TMEM255A: variants seen among roughly 807,000 people sequenced by gnomAD.
The protein encoded by TMEM255A is family with sequence similarity 70, member A.
In TMEM255A, 14 loss-of-function variants were observed where a neutral mutation model predicts 23.5. That is an observed-to-expected ratio of 0.60 (90% CI 0.39 to 0.93). TMEM255A has a LOEUF of 0.93. Ranked by LOEUF, TMEM255A falls within the 40% of genes least tolerant of loss-of-function variation. TMEM255A has a pLI of 0.00. For synonymous variants in TMEM255A, 104 were observed against 100.3 expected (o/e 1.04, Z -0.22); for missense variants, 233 against 261.7 (o/e 0.89, Z 0.76).
rs1233666296 is a variant in TMEM255A at position 120,268,602 on chromosome X, A to G, written c.676-215T>C. On this transcript the variant is annotated intron_variant, in intron 7 of 8. Coordinates refer to ENST00000371369, the MANE Select transcript of TMEM255A (RefSeq NM_001104544.3). ...TGATCCCAATTTATGTTTTAAAAAA[A>G]GACCCCCAAAATTATACATGTATGT... is the stretch of plus-strand genomic sequence containing the variant. Among the ~76,000 whole-genome samples, 4 of 111,993 alleles carry G rather than the reference A, an allele frequency of 3.6e-5. No homozygotes were observed. The Admixed American group carries it at 3.8e-4, about 11-fold the overall frequency.
chrX:120,291,438 C>A (rs2057914959), intron 3 of TMEM255A, 98 bp from the exon 4 acceptor site: 1 of 665,177 alleles, frequency 1.5e-6, no homozygotes, highest in Non-Finnish European at 2.3e-6. Context: ...CAAAGCAGAA[C>A]TCTAGCCTAC....
At chrX:120,274,812 T>G (rs1487370674) in intron 7 of TMEM255A, among the ~76,000 whole-genome samples, 1 of 111,611 alleles carries the variant, frequency 9.0e-6, no homozygotes, top group Non-Finnish European at 1.9e-5. Flanking sequence ...GCGCCCACAG[T>G]AGGGTAAAAT....
Position 120,275,784 on chromosome X carries a change from A to ATTTTT in TMEM255A, c.675+1096_675+1100dup, listed in dbSNP as rs11342181. Among the ~76,000 whole-genome samples the ATTTTT allele has an allele frequency of 6.9e-3, 414 of 60,251 alleles. 26 individuals carry two copies. The highest frequency in any genetic ancestry group is 0.032 in the South Asian group (21 of 653). The allele number at this position is 60,251 out of a possible 115,157, so 52.3% of individuals were successfully genotyped here. ...GAATCTTTAGAGAAGGAGCCCAAGC[A>ATTTTT]TTTTTTTTTTTTTTTTTTTTTTTTT... On this transcript the variant is annotated intron_variant, in intron 7 of 8. Coordinates refer to ENST00000371369, the MANE Select transcript of TMEM255A (RefSeq NM_001104544.3).
At chrX:120,310,738 C>A (rs1265671491) in intron 1 of TMEM255A, among the ~76,000 whole-genome samples, 2 of 74,121 alleles carry the variant, frequency 2.7e-5, no homozygotes, top group South Asian at 1.3e-3. Context: ...CGCCCCCCCC[C>A]CCCAATCAGC....
chrX:120,304,293 C>T, intron 2 of TMEM255A, 56 bp downstream of exon 2: 1 of 1,133,743 alleles, frequency 8.8e-7, no homozygotes, highest in African/African-American at 1.8e-5. Context: ...CAGAGCAGAG[C>T]CAGAATTTCT....
At chrX:120,285,287 C>T (rs782012959) in intron 5 of TMEM255A, 72 bp from the exon 6 acceptor site, 31 of 891,485 alleles carry the variant, frequency 3.5e-5, no homozygotes, top group Non-Finnish European at 4.6e-5. Context: ...ATTGGAAATG[C>T]GAGTTAGTGA....
At chrX:120,264,584 C>T (rs909667524) in intron 8 of TMEM255A, among the ~76,000 whole-genome samples, 3 of 111,038 alleles carry the variant, frequency 2.7e-5, no homozygotes, top group Non-Finnish European at 5.7e-5. Context: ...TTTTCCTCAT[C>T]CTCCTATTAG....
At chrX:120,270,145 G>T (rs1328715549) in intron 7 of TMEM255A, among the ~76,000 whole-genome samples, 2 of 110,975 alleles carry the variant, frequency 1.8e-5, no homozygotes, top group Non-Finnish European at 3.8e-5. Flanking sequence ...GGAAGAAGAG[G>T]AAATGGGGAA....
chrX:120,259,190 TTTAG>T lies in TMEM255A; in HGVS notation c.*1676_*1679del, dbSNP rs200079017. Reference sequence around the variant, plus strand: ...ATTGAGTATTACAAGTTGATATTTGTTTAGTTAGTCAGTTGGGTATTAGTCTCTT... The same window carrying T: ...ATTGAGTATTACAAGTTGATATTTGTTTAGTCAGTTGGGTATTAGTCTCTT... On this transcript the variant is annotated 3_prime_UTR_variant, in exon 9 of 9. Coordinates refer to ENST00000371369, the MANE Select transcript of TMEM255A (RefSeq NM_001104544.3). 2 of 112,576 alleles carry T rather than the reference TTTAG, an allele frequency of 1.8e-5. No individual in the cohort carries two copies. Among genetic ancestry groups the T allele is most frequent in the East Asian group, 5.5e-4 (2 of 3,607 alleles). The allele number at this position is 112,576 out of a possible 1,213,427, so 9.3% of individuals were successfully genotyped here. A position where few individuals can be genotyped will look rare whatever the true frequency, so the allele number is the denominator to read the frequency against.
chrX:120,278,081 T>TCCTTCTCCC (rs2147191474), intron 6 of TMEM255A, among the ~76,000 whole-genome samples: 1 of 110,687 alleles, frequency 9.0e-6, no homozygotes, highest in South Asian at 3.9e-4. Flanking sequence ...CTCCTCCTCC[T>TCCTTCTCCC]CTTTTTCCCT....
chrX:120,271,190 C>G (rs905490230), intron 7 of TMEM255A, among the ~76,000 whole-genome samples: 1 of 112,029 alleles, frequency 8.9e-6, no homozygotes, highest in Non-Finnish European at 1.9e-5. Context: ...TTAATTAAAT[C>G]AACTAAACAA....
the TMEM255A span, among the ~76,000 whole-genome samples, chrX:120,251,937 T>G: frequency 8.9e-6 from 1 of 112,688 alleles, no homozygotes; most frequent in Non-Finnish European, 1.9e-5. Context: ...AGAAAACCTG[T>G]CTTTCCACTT....
intron 6 of TMEM255A, among the ~76,000 whole-genome samples, chrX:120,278,972 G>C (rs1302334233): frequency 1.8e-5 from 2 of 111,450 alleles, no homozygotes; most frequent in African/African-American, 6.5e-5. Flanking sequence ...ATCTGTGCAT[G>C]TATCTTTGAG....
chrX:120,268,214 T>C (rs2057730134), intron 8 of TMEM255A, 30 bp downstream of exon 8: 4 of 1,190,986 alleles, frequency 3.4e-6, no homozygotes, highest in Non-Finnish European at 4.5e-6. Flanking sequence ...ACAAGGGTAA[T>C]ACAGAGTTCT....
intron 6 of TMEM255A, 147 bp downstream of exon 6, chrX:120,284,980 G>T: frequency 1.9e-6 from 1 of 526,425 alleles, no homozygotes; most frequent in African/African-American, 2.3e-5. Context: ...CACAGAGAAG[G>T]CAAGTAATGT....
intron 2 of TMEM255A, among the ~76,000 whole-genome samples, chrX:120,302,965 A>G (rs1164223284): frequency 9.0e-6 from 1 of 111,386 alleles, no homozygotes; most frequent in African/African-American, 3.3e-5. Flanking sequence ...AACAAAAAAT[A>G]CATCTGACCT....
chrX:120,291,123 G>A (rs1306179049), intron 4 of TMEM255A, 128 bp downstream of exon 4: 1 of 542,693 alleles, frequency 1.8e-6, no homozygotes, highest in Non-Finnish European at 3.1e-6. Context: ...CTTGAGAAAA[G>A]GGACTGTGTC....
At position 120,285,205 on chromosome X, in the gene TMEM255A, G is replaced by A; in HGVS notation, c.434C>T (p.Pro145Leu). Residue 145 changes from proline (P) to leucine (L), a missense_variant, in exon 6 of 9, where the codon CCT becomes CTT. Pro to Leu is a moderately conservative substitution (Grantham distance 98, BLOSUM62 -3). Transcript: ENST00000371369. ...SQKEAEEVNC[P>L]HLSREFCTPR... ...TGTGCAGAATTCACGGCTGAGGTGA[G>A]GGCAGTTAACCTGACGGTATATAAC... The A allele has an allele frequency of 1.7e-6, 2 of 1,209,065 alleles. No homozygotes were observed. The highest frequency in any genetic ancestry group is 2.2e-6 in the Non-Finnish European group (2 of 892,957).
intron 2 of TMEM255A, 26 bp from the exon 3 acceptor site, chrX:120,294,077 T>C: frequency 2.7e-6 from 3 of 1,093,228 alleles, no homozygotes; most frequent in Non-Finnish European, 3.8e-6. Context: ...GCATACATAG[T>C]ATGTGGGATG....
Sources: allele counts gnomAD v4.1 joint callset (sites outside exome capture counted in the v4.1 genomes callset), GRCh38; gene constraint gnomAD v4.1.1; transcripts MANE v1.5; gene names NCBI Gene and HGNC (gene_info 2026-07-23, HGNC 2026-07-21).